The following CDH12 variants were observed in gnomAD, a reference collection of about 807,000 sequenced individuals.
CDH12 encodes the protein cadherin-12.
CDH12 carries 41 observed loss-of-function variants against 74.1 expected under a neutral mutation model. That is an observed-to-expected ratio of 0.55 (90% CI 0.43 to 0.72). CDH12 has a LOEUF of 0.72. Among genes scored for constraint, CDH12 ranks in the 30% least tolerant of loss-of-function variants. The probability of loss-of-function intolerance (pLI) is 0.00; values close to 1 mark genes in which losing one functional copy is unlikely to be tolerated. For synonymous variants in CDH12, 399 were observed against 355.0 expected (o/e 1.12, Z -1.39); for missense variants, 945 against 977.2 (o/e 0.97, Z 0.44).
chr5:22,068,760 C>T (rs1163261671), intron 5 of CDH12, among the ~76,000 whole-genome samples: 2 of 152,174 alleles, frequency 1.3e-5, no homozygotes, highest in East Asian at 3.9e-4. Context: ...GATAGGACAA[C>T]CCATTCTGTG....
intron 2 of CDH12, among the ~76,000 whole-genome samples, chr5:22,423,852 A>C (rs1490872704): frequency 1.3e-5 from 2 of 151,594 alleles, no homozygotes; most frequent in Non-Finnish European, 2.9e-5. Context: ...AAATACAAAA[A>C]ATTAGCCGGG....
At chr5:22,842,925 T>C (rs1451704974) in intron 1 of CDH12, among the ~76,000 whole-genome samples, 2 of 152,046 alleles carry the variant, frequency 1.3e-5, no homozygotes, top group Non-Finnish European at 2.9e-5. Flanking sequence ...ATTGTAACTG[T>C]GTTTACTTTT....
chr5:22,591,008 G>T (rs269877), intron 1 of CDH12, among the ~76,000 whole-genome samples: 83,088 of 151,874 alleles, frequency 0.55, 22,977 homozygotes, highest in East Asian at 0.68. Context: ...TTTGAGATGT[G>T]CGCCTGTAAC....
intron 1 of CDH12, among the ~76,000 whole-genome samples, chr5:22,797,785 A>C (rs530551271): frequency 4.3e-4 from 65 of 152,090 alleles, no homozygotes; most frequent in African/African-American, 1.5e-3. Context: ...TAAGAAATAA[A>C]AATATCTGAC....
chr5:22,253,317 C>T (rs1561257588), intron 3 of CDH12, among the ~76,000 whole-genome samples: 2 of 151,732 alleles, frequency 1.3e-5, no homozygotes, highest in African/African-American at 4.8e-5. Context: ...TTAGCTTTAG[C>T]TTATAAATAA....
At chr5:22,522,690 T>A (rs892373808) in intron 1 of CDH12, among the ~76,000 whole-genome samples, 4 of 152,136 alleles carry the variant, frequency 2.6e-5, no homozygotes, top group African/African-American at 9.7e-5. Flanking sequence ...TTTATTATTT[T>A]CTCCAAAATA....
At chr5:22,214,269 G>A (rs1031853798) in intron 3 of CDH12, among the ~76,000 whole-genome samples, 3 of 152,070 alleles carry the variant, frequency 2.0e-5, no homozygotes, top group African/African-American at 4.8e-5. Context: ...CCATGCAGAG[G>A]TCTCTTGCTC....
chr5:22,184,145 T>A (rs532779184), intron 4 of CDH12, among the ~76,000 whole-genome samples: 1 of 152,236 alleles, frequency 6.6e-6, no homozygotes, highest in South Asian at 2.1e-4. Flanking sequence ...TTTTGTTACT[T>A]TATTAAATGG....
chr5:22,075,177 G>A (rs1742220500), intron 5 of CDH12, among the ~76,000 whole-genome samples: 1 of 151,778 alleles, frequency 6.6e-6, no homozygotes, highest in African/African-American at 2.4e-5. Flanking sequence ...GGATGAAGCT[G>A]GAAACCATCA....
intron 2 of CDH12, among the ~76,000 whole-genome samples, chr5:22,476,025 A>T (rs1746154780): frequency 6.6e-6 from 1 of 152,044 alleles, no homozygotes; most frequent in Non-Finnish European, 1.5e-5. Flanking sequence ...GTAAGCATTC[A>T]CCTGTATAAT....
chr5:22,211,354 A>C (rs1337316641), intron 4 of CDH12, among the ~76,000 whole-genome samples: 40 of 152,182 alleles, frequency 2.6e-4, no homozygotes, highest in Non-Finnish European at 1.6e-4. Flanking sequence ...TATTTTAAAT[A>C]ATGTTTATTT....
chr5:22,114,322 A>C (rs918709030), intron 4 of CDH12, among the ~76,000 whole-genome samples: 1 of 152,032 alleles, frequency 6.6e-6, no homozygotes, highest in African/African-American at 2.4e-5. Context: ...AAAATATATC[A>C]TTTTTTGTAT....
chr5:22,038,994 C>A (rs142812697), intron 5 of CDH12, among the ~76,000 whole-genome samples: 5 of 152,110 alleles, frequency 3.3e-5, no homozygotes, highest in African/African-American at 1.2e-4. Flanking sequence ...ATAGCTGTGA[C>A]GCTTCTTGTC....
At chr5:22,211,858 CT>C (rs1000960296) in intron 4 of CDH12, among the ~76,000 whole-genome samples, 1 of 151,442 alleles carries the variant, frequency 6.6e-6, no homozygotes, top group Admixed American at 6.6e-5. Context: ...CCTTTGCTTT[CT>C]TTTTTTATTC....
intron 4 of CDH12, chr5:22,141,149 A>G (rs1454227210): frequency 6.6e-6 from 1 of 152,188 alleles, no homozygotes; most frequent in Non-Finnish European, 1.5e-5. Flanking sequence ...TTATTCATTA[A>G]TTGGACAGAT....
At chr5:21,888,424 A>G (rs1752741824) in intron 6 of CDH12, among the ~76,000 whole-genome samples, 1 of 152,100 alleles carries the variant, frequency 6.6e-6, no homozygotes, top group Non-Finnish European at 1.5e-5. Flanking sequence ...ATTGTTCCTC[A>G]GTTTAGGAAA....
intron 1 of CDH12, among the ~76,000 whole-genome samples, chr5:22,662,842 A>T (rs1740420724): frequency 6.6e-6 from 1 of 152,210 alleles, no homozygotes; most frequent in Non-Finnish European, 1.5e-5. Flanking sequence ...GACAATATTT[A>T]CATAATTATA....
rs140721308 is a variant in CDH12, at chr5:22,402,877, T to C, written c.-333+2380A>G. Reference sequence around the variant, plus strand: ...CTAATGGTGCAGATCACTTCATACATAGTAGACCCACAATGTTTTTGAAAA... The same window carrying C: ...CTAATGGTGCAGATCACTTCATACACAGTAGACCCACAATGTTTTTGAAAA... On this transcript the variant is annotated intron_variant, in intron 3 of 14. Transcript: ENST00000382254. Among the ~76,000 whole-genome samples, 580 of 152,256 alleles carry C rather than the reference T, an allele frequency of 3.8e-3. 6 individuals carry two copies. Among genetic ancestry groups the C allele is most frequent in the Middle Eastern group, 0.034 (10 of 294 alleles).
intron 3 of CDH12, among the ~76,000 whole-genome samples, chr5:22,387,309 T>TA (rs1173456070): frequency 2.6e-5 from 4 of 152,138 alleles, no homozygotes; most frequent in African/African-American, 9.6e-5. Flanking sequence ...TAATGTACAT[T>TA]AAAAAAGTAA....
Sources: allele counts gnomAD v4.1 joint callset (sites outside exome capture counted in the v4.1 genomes callset), GRCh38; gene constraint gnomAD v4.1.1; transcripts MANE v1.5; gene names NCBI Gene and HGNC (gene_info 2026-07-23, HGNC 2026-07-21).